Variants in SAMD5 observed in about 807,000 individuals in gnomAD.
SAMD5 encodes sterile alpha motif domain-containing protein 5.
SAMD5 carries 13 observed loss-of-function variants against 11.3 expected under a neutral mutation model. The ratio of observed to expected loss-of-function variants is 1.15; its 90% CI spans 0.75 to 1.83. The LOEUF (loss-of-function observed/expected upper bound fraction) is 1.83, where lower values mean the gene tolerates loss of function less well. Among genes scored for constraint, SAMD5 ranks in the 40% most tolerant of loss-of-function variants. The probability of loss-of-function intolerance (pLI) is 0.00; values close to 1 mark genes in which losing one functional copy is unlikely to be tolerated. For missense variants in SAMD5, 255 were observed against 239.1 expected (o/e 1.07, Z -0.44); for synonymous variants, 129 against 111.3 (o/e 1.16, Z -1.00).
the SAMD5 span, among the ~76,000 whole-genome samples, chr6:147,899,170 CAAAA>C: frequency 1.8e-4 from 11 of 62,622 alleles, 1 homozygote; most frequent in Admixed American, 8.0e-4. Flanking sequence ...GACTCTGTCT[CAAAA>C]AAAAAAAAAA....
rs190699730 is a variant in SAMD5 at position 147,713,379 on chromosome 6, G to A, written c.163-23938G>A. Among the ~76,000 whole-genome samples, 63 of 152,250 alleles carry A rather than the reference G, an allele frequency of 4.1e-4. No individual in the cohort carries two copies. In the East Asian group the frequency reaches 8.5e-3, roughly 21 times the overall value. On this transcript the variant is annotated intron_variant, in intron 1 of 1. Transcript: ENST00000566741. The stretch of plus-strand genomic sequence containing the variant: ...TGGGTTCCACTTGGTTTGCCGAGTC[G>A]AGTGCTGTAAAACATCTACATCTTG...
rs528448942 is a variant in SAMD5, at chr6:147,641,061, T to A, written c.163-96256T>A. Reference sequence around the variant, plus strand: ...AACCTGCTTTAACATCCAGTAGACGTTAACAATGGTTGGACACTGATGGAT... The same window carrying A: ...AACCTGCTTTAACATCCAGTAGACGATAACAATGGTTGGACACTGATGGAT... On this transcript the variant is annotated intron_variant, in intron 1 of 1. Coordinates refer to the SAMD5 transcript ENST00000566741. Among the ~76,000 whole-genome samples the A allele has an allele frequency of 1.4e-3, 216 of 152,318 alleles. 1 individual carries two copies. Among genetic ancestry groups the A allele is most frequent in the African/African-American group, 5.0e-3 (209 of 41,572 alleles).
At chr6:147,816,301 A>AAAAAAAAAATATATATATAT in the SAMD5 span, among the ~76,000 whole-genome samples, 2 of 66,350 alleles carry the variant, frequency 3.0e-5, no homozygotes, top group Non-Finnish European at 4.8e-5. Context: ...AAAAAAAAAA[A>AAAAAAAAAATATATATATAT]ATATATATAT....
At chr6:147,769,516 T>C in the SAMD5 span, among the ~76,000 whole-genome samples, 1 of 152,214 alleles carries the variant, frequency 6.6e-6, no homozygotes, top group African/African-American at 2.4e-5. Flanking sequence ...AATGTCACTT[T>C]CCTCTGCTGC....
At chr6:147,894,180 G>A in the SAMD5 span, among the ~76,000 whole-genome samples, 1 of 148,470 alleles carries the variant, frequency 6.7e-6, no homozygotes. Context: ...CTGGAGTGCA[G>A]TGGCACAATC....
the SAMD5 span, among the ~76,000 whole-genome samples, chr6:147,836,117 C>G: frequency 6.6e-6 from 1 of 152,178 alleles, no homozygotes; most frequent in Admixed American, 6.5e-5. Flanking sequence ...TCATGTACAT[C>G]CCACCTCCCA....
At chr6:147,638,157 C>T (rs1052481735) in intron 1 of SAMD5, among the ~76,000 whole-genome samples, 7 of 151,980 alleles carry the variant, frequency 4.6e-5, no homozygotes, top group African/African-American at 7.3e-5. Context: ...AAAAATATAG[C>T]GTAATGCAAA....
the SAMD5 span, among the ~76,000 whole-genome samples, chr6:147,883,872 A>G: frequency 6.6e-6 from 1 of 152,158 alleles, no homozygotes; most frequent in Non-Finnish European, 1.5e-5. Context: ...GAGAACCACA[A>G]GACTTCTTTT....
At chr6:147,890,784 T>C in the SAMD5 span, among the ~76,000 whole-genome samples, 2 of 152,128 alleles carry the variant, frequency 1.3e-5, no homozygotes, top group African/African-American at 4.8e-5. Flanking sequence ...GTTAAATAAT[T>C]TGTGTTAAAG....
downstream of SAMD5, chr6:147,570,162 A>G (rs1789115098): frequency 8.3e-6 from 3 of 361,336 alleles, no homozygotes; most frequent in Non-Finnish European, 3.9e-6. Flanking sequence ...ACGGGAAAGA[A>G]AGGAAAAAGT....
chr6:147,655,449 C>T (rs1790551701), intron 1 of SAMD5, among the ~76,000 whole-genome samples: 1 of 152,130 alleles, frequency 6.6e-6, no homozygotes, highest in Middle Eastern at 3.4e-3. Context: ...ATCCACGTTG[C>T]CCTAGTTTTT....
chr6:147,664,403 T>C (rs902281199), intron 1 of SAMD5, among the ~76,000 whole-genome samples: 2 of 152,152 alleles, frequency 1.3e-5, no homozygotes, highest in Admixed American at 6.5e-5. Context: ...ATCAAACTTG[T>C]CCTGATACTT....
chr6:147,656,946 T>G (rs899150469), intron 1 of SAMD5, among the ~76,000 whole-genome samples: 8 of 145,126 alleles, frequency 5.5e-5, no homozygotes, highest in Admixed American at 2.2e-4. Context: ...CCATAAGGTA[T>G]TCATTGTTCA....
At chr6:147,656,123 G>T (rs11155519) in intron 1 of SAMD5, among the ~76,000 whole-genome samples, 62,582 of 151,990 alleles carry the variant, frequency 0.41, 14,873 homozygotes, top group Middle Eastern at 0.54. Context: ...TGGGACAACT[G>T]GAAAGCAATT....
At chr6:147,726,289 A>T (rs901375221) in intron 1 of SAMD5, among the ~76,000 whole-genome samples, 2 of 152,236 alleles carry the variant, frequency 1.3e-5, no homozygotes, top group African/African-American at 2.4e-5. Flanking sequence ...TACATGGAGA[A>T]TATAGGGAAT....
At chr6:147,774,086 C>T in the SAMD5 span, among the ~76,000 whole-genome samples, 2 of 152,136 alleles carry the variant, frequency 1.3e-5, no homozygotes, top group South Asian at 4.1e-4. Context: ...AAGGGGTCCT[C>T]CCATCTTGGC....
rs149314455 is a variant in SAMD5 at position 147,701,557 on chromosome 6, C to G, written c.163-35760C>G. ...GCTGAGGCGTGAGAATCACTTGTAC[C>G]TGGGAGGTGGAGGTTGCAGTGAGCC... On this transcript the variant is annotated intron_variant, in intron 1 of 1. Transcript: ENST00000566741. Among the ~76,000 whole-genome samples, 51 of 151,446 alleles carry G rather than the reference C, an allele frequency of 3.4e-4. No homozygotes were observed. The East Asian group carries it at 7.7e-3, about 23-fold the overall frequency.
At chr6:147,717,171 G>A (rs185627726) in intron 1 of SAMD5, among the ~76,000 whole-genome samples, 2 of 152,274 alleles carry the variant, frequency 1.3e-5, no homozygotes, top group Admixed American at 1.3e-4. Context: ...CAGTACCTAG[G>A]CTAAAGTAGA....
intron 1 of SAMD5, among the ~76,000 whole-genome samples, chr6:147,634,126 T>G (rs1414397163): frequency 6.6e-6 from 1 of 152,146 alleles, no homozygotes; most frequent in Non-Finnish European, 1.5e-5. Flanking sequence ...CATAATATGT[T>G]TAAGGTCTGT....
Sources: gnomAD v4.1 joint callset for allele counts (sites outside exome capture counted in the v4.1 genomes callset) on GRCh38, gnomAD v4.1.1 for gene constraint, MANE v1.5 for transcripts, NCBI Gene and HGNC (gene_info 2026-07-23, HGNC 2026-07-21) for gene names.